CRPPA: variants seen among roughly 807,000 people sequenced by gnomAD.
The protein encoded by CRPPA is CDP-L-ribitol pyrophosphorylase A, also known as D-ribitol-5-phosphate cytidylyltransferase.
A neutral mutation model predicts 52.0 loss-of-function variants in CRPPA; 43 were observed. The observed-to-expected ratio is 0.83, with a 90% confidence interval of 0.65 to 1.07. The LOEUF (loss-of-function observed/expected upper bound fraction) is 1.07, where lower values mean the gene tolerates loss of function less well. Ranked by LOEUF, CRPPA falls within the 50% of genes least tolerant of loss-of-function variation. The probability of loss-of-function intolerance (pLI) is 0.00; values close to 1 mark genes in which losing one functional copy is unlikely to be tolerated. For synonymous variants in CRPPA, 250 were observed against 203.5 expected (o/e 1.23, Z -1.94); for missense variants, 629 against 551.7 (o/e 1.14, Z -1.40).
intron 9 of CRPPA, among the ~76,000 whole-genome samples, chr7:16,195,934 C>T (rs1781722458): frequency 6.6e-6 from 1 of 152,072 alleles, no homozygotes; most frequent in South Asian, 2.1e-4. Flanking sequence ...CCACAGCATC[C>T]CATCCCCAAA....
intron 9 of CRPPA, among the ~76,000 whole-genome samples, chr7:16,118,308 A>G (rs139557696): frequency 4.6e-5 from 7 of 152,266 alleles, no homozygotes; most frequent in Non-Finnish European, 7.4e-5. Context: ...CTCACAGGGA[A>G]GAAAGCCAGC....
intron 9 of CRPPA, among the ~76,000 whole-genome samples, chr7:16,183,251 T>C (rs548033061): frequency 7.0e-4 from 107 of 152,262 alleles, no homozygotes; most frequent in Middle Eastern, 3.4e-3. Context: ...ATGCTCATAG[T>C]TGATGTTCCT....
intron 2 of CRPPA, among the ~76,000 whole-genome samples, chr7:16,376,875 G>C (rs1252119023): frequency 1.3e-5 from 2 of 152,170 alleles, no homozygotes; most frequent in East Asian, 3.9e-4. Flanking sequence ...TTTCATGTCT[G>C]ACAATTTTTC....
intron 9 of CRPPA, among the ~76,000 whole-genome samples, chr7:16,157,965 C>T (rs982709108): frequency 2.1e-4 from 32 of 151,908 alleles, no homozygotes; most frequent in African/African-American, 4.1e-4. Context: ...ACCTCCACCT[C>T]GGGGAATCAA....
At position 16,258,471 on chromosome 7, in the gene CRPPA, A is replaced by C. The variant is rs763907258; in HGVS notation, c.1038T>G (p.Ser346=). The C allele has an allele frequency of 2.5e-6, 4 of 1,599,088 alleles. No individual in the cohort carries two copies. In the African/African-American group the frequency reaches 4.0e-5, roughly 16 times the overall value. ...GTAACTTCTGGGTTTCTTGAAAATCAGAGGTTGTAACCTAAAAGACCAGAA... is the reference window on the plus strand; with the variant it reads ...GTAACTTCTGGGTTTCTTGAAAATCCGAGGTTGTAACCTAAAAGACCAGAA... ...YNFVCVNVTT[S]DFQETQKLLS... Residue 346 remains serine (S), a synonymous_variant, in exon 8 of 10, where the codon TCT becomes TCG. Coordinates refer to ENST00000407010, the MANE Select transcript of CRPPA (RefSeq NM_001101426.4).
At chr7:16,110,980 C>A (rs952016613) in intron 9 of CRPPA, among the ~76,000 whole-genome samples, 1 of 151,958 alleles carries the variant, frequency 6.6e-6, no homozygotes, top group Non-Finnish European at 1.5e-5. Flanking sequence ...TAGGAAGAGA[C>A]AATCTACAGA....
chr7:16,273,053 G>T (rs1357568887), intron 6 of CRPPA, among the ~76,000 whole-genome samples: 1 of 151,424 alleles, frequency 6.6e-6, no homozygotes, highest in Non-Finnish European at 1.5e-5. Context: ...CCATGCTGGG[G>T]TGCTGCACCC....
chr7:16,251,887 C>A (rs1438841316), intron 8 of CRPPA, among the ~76,000 whole-genome samples: 4 of 152,170 alleles, frequency 2.6e-5, no homozygotes, highest in Middle Eastern at 3.4e-3. Flanking sequence ...CAGAGCAGAA[C>A]TGAAGGAGAT....
At chr7:16,357,105 C>T (rs1450497292) in intron 3 of CRPPA, among the ~76,000 whole-genome samples, 1 of 152,098 alleles carries the variant, frequency 6.6e-6, no homozygotes, top group Non-Finnish European at 1.5e-5. Context: ...CCCATGGGTC[C>T]CTCAGGATAT....
chr7:16,367,902 A>C (rs1035292460), intron 3 of CRPPA, among the ~76,000 whole-genome samples: 8 of 152,180 alleles, frequency 5.3e-5, no homozygotes, highest in African/African-American at 1.9e-4. Context: ...AAGTCTAAGA[A>C]ATCAAAGCAA....
At chr7:16,299,238 T>C (rs1299414116) in intron 5 of CRPPA, among the ~76,000 whole-genome samples, 1 of 152,170 alleles carries the variant, frequency 6.6e-6, no homozygotes, top group East Asian at 1.9e-4. Context: ...CAGAGAGGCA[T>C]TTCTACTATC....
At chr7:16,287,882 A>G (rs761975312) in intron 5 of CRPPA, among the ~76,000 whole-genome samples, 26 of 134,174 alleles carry the variant, frequency 1.9e-4, no homozygotes, top group African/African-American at 5.7e-4. Flanking sequence ...AGATTGTACC[A>G]CTGTACTCCA....
chr7:16,210,755 C>G (rs567402031), intron 9 of CRPPA, among the ~76,000 whole-genome samples: 1 of 151,818 alleles, frequency 6.6e-6, no homozygotes, highest in Non-Finnish European at 1.5e-5. Flanking sequence ...TAAAGAAATT[C>G]GCTCATTAAA....
At chr7:16,142,476 A>G (rs1245024004) in intron 9 of CRPPA, among the ~76,000 whole-genome samples, 1 of 152,206 alleles carries the variant, frequency 6.6e-6, no homozygotes, top group Non-Finnish European at 1.5e-5. Flanking sequence ...AACTTTATTT[A>G]CAATTTGAGT....
At chr7:16,100,254 G>A (rs1281594293) in intron 9 of CRPPA, among the ~76,000 whole-genome samples, 1 of 152,112 alleles carries the variant, frequency 6.6e-6, no homozygotes, top group Non-Finnish European at 1.5e-5. Flanking sequence ...CAGCTGTAAT[G>A]ACTACCTCTT....
chr7:16,154,376 T>G (rs1249372994), intron 9 of CRPPA, among the ~76,000 whole-genome samples: 1 of 152,098 alleles, frequency 6.6e-6, no homozygotes. Flanking sequence ...CCCTGGTGTG[T>G]GTGTTCCCCT....
intron 9 of CRPPA, among the ~76,000 whole-genome samples, chr7:16,189,284 G>A (rs17169323): frequency 0.3 from 46,280 of 152,034 alleles, 7,337 homozygotes; most frequent in East Asian, 0.51. Flanking sequence ...AACTCTAGCA[G>A]TCTGAGGCAT....
At chr7:16,112,113 G>C (rs577543058) in intron 9 of CRPPA, among the ~76,000 whole-genome samples, 3 of 152,202 alleles carry the variant, frequency 2.0e-5, no homozygotes, top group African/African-American at 7.2e-5. Flanking sequence ...TCAGGGGTTT[G>C]AGACCAGCCT....
intron 9 of CRPPA, among the ~76,000 whole-genome samples, chr7:16,134,474 G>C: frequency 6.6e-6 from 1 of 152,036 alleles, no homozygotes; most frequent in Admixed American, 6.6e-5. Flanking sequence ...AAAAGGTTGG[G>C]GATTGCTGGC....
Sources: gnomAD v4.1 joint callset for allele counts (sites outside exome capture counted in the v4.1 genomes callset) on GRCh38, gnomAD v4.1.1 for gene constraint, MANE v1.5 for transcripts, NCBI Gene and HGNC (gene_info 2026-07-23, HGNC 2026-07-21) for gene names.